The following TAF4 variants were observed in gnomAD, a reference collection of about 807,000 sequenced individuals.
The protein encoded by TAF4 is TATA-box binding protein associated factor 4.
TAF4 carries 9 observed loss-of-function variants against 90.3 expected under a neutral mutation model. The ratio of observed to expected loss-of-function variants is 0.10; its 90% CI spans 0.06 to 0.17. The LOEUF is 0.17. TAF4 is among the 10% of genes least tolerant of loss of function. TAF4 has a pLI of 1.00. For missense variants in TAF4, 1,351 were observed against 1,370.7 expected, an observed-to-expected ratio of 0.99 and a Z score of 0.23; for synonymous variants, 818 against 638.9, an observed-to-expected ratio of 1.28 and a Z score of -4.23.
At chr20:61,995,584 C>CCAAAATGTTCCAAATTTGATGAAAGA (rs1369471017) in intron 14 of TAF4, among the ~76,000 whole-genome samples, 10 of 17,636 alleles carry the variant, frequency 5.7e-4, no homozygotes, top group African/African-American at 2.6e-3. Flanking sequence ...AAAATTTGAG[C>CCAAAATGTTCCAAATTTGATGAAAGA]CGGGCGCGGT....
rs1307459907 is a variant in TAF4 at position 62,065,292 on chromosome 20, G to A, written c.519C>T (p.Gly173=). Residue 173 remains glycine, a synonymous_variant, in exon 1 of 15, where the codon GGC becomes GGT. Coordinates refer to ENST00000252996, the MANE Select transcript of TAF4 (RefSeq NM_003185.4). ...PAALAARAGP[G]PGPGPGPGPG... ...GGCCGGGGCCGGGGCCGGGCCCGGG[G>A]CCGGGGCCGGCGCGGGCGGCCAGCG... is the stretch of plus-strand genomic sequence containing the variant. The A allele has an allele frequency of 4.3e-6, 4 of 928,704 alleles. No homozygotes were observed. The highest frequency in any genetic ancestry group is 5.1e-6 in the Non-Finnish European group (4 of 785,294). The allele number at this position is 928,704 out of a possible 1,614,324, so 57.5% of individuals were successfully genotyped here.
rs113526314 is a variant in TAF4, at chr20:62,007,493, G to A, written c.1974+54C>T. On this transcript the variant is annotated intron_variant, in intron 6 of 14. Transcript: ENST00000252996. Reference sequence around the variant, plus strand: ...CGCCCTGCACACTTGGTGCATCTGCGCCCCACCCCTCCCTGGCCCTACTGC... The same window carrying A: ...CGCCCTGCACACTTGGTGCATCTGCACCCCACCCCTCCCTGGCCCTACTGC... 55 of 1,555,128 alleles carry A rather than the reference G, an allele frequency of 3.5e-5. 1 individual carries two copies. Among genetic ancestry groups the A allele is most frequent in the Middle Eastern group, 1.7e-4 (1 of 5,930 alleles).
At chr20:62,055,784 TCA>T (rs1386620463) in intron 1 of TAF4, among the ~76,000 whole-genome samples, 3 of 152,156 alleles carry the variant, frequency 2.0e-5, no homozygotes, top group Non-Finnish European at 4.4e-5. Flanking sequence ...AGGGTGCTAA[TCA>T]CAATCAGACA....
chr20:62,001,477 T>C (rs2055702618), intron 9 of TAF4, among the ~76,000 whole-genome samples: 1 of 152,200 alleles, frequency 6.6e-6, no homozygotes, highest in African/African-American at 2.4e-5. Flanking sequence ...AGATGTGAGC[T>C]AAGAGTCCTG....
Position 62,006,919 on chromosome 20 carries a change from C to A in TAF4, c.1975-161G>T. Reference sequence around the variant, plus strand: ...TGTCTGGATGTCAAGGGCCAGGACCCCATCCTGCCCTCCCACTAAGTGGGA... The same window carrying A: ...TGTCTGGATGTCAAGGGCCAGGACCACATCCTGCCCTCCCACTAAGTGGGA... On this transcript the variant is annotated intron_variant, in intron 6 of 14. Transcript: ENST00000252996. This position sits in a 1 kb window ranked among gnomAD's most constrained non-coding sequence, Gnocchi z 7.0. 8 of 927,950 alleles carry A rather than the reference C, an allele frequency of 8.6e-6. No individual in the cohort carries two copies. Among genetic ancestry groups the A allele is most frequent in the Non-Finnish European group, 1.2e-5 (8 of 694,972 alleles). 57.5% of individuals were successfully genotyped at this position (927,950 alleles called of 1,614,324 possible).
At chr20:61,996,949 G>A (rs865961439) in intron 14 of TAF4, among the ~76,000 whole-genome samples, 2 of 152,072 alleles carry the variant, frequency 1.3e-5, no homozygotes, top group African/African-American at 4.8e-5. Context: ...ACAGACCCAC[G>A]GGAAGGAATG....
intron 5 of TAF4, chr20:62,007,873 G>C (rs2055756268): frequency 4.6e-6 from 2 of 432,268 alleles, no homozygotes; most frequent in African/African-American, 4.2e-5. Context: ...AGGGTCACCT[G>C]TCTACTTCTC....
chr20:61,982,896 C>A, intron 14 of TAF4, among the ~76,000 whole-genome samples: 1 of 151,598 alleles, frequency 6.6e-6, no homozygotes, highest in South Asian at 2.1e-4. Context: ...CCCCTCCCCA[C>A]CCGTCCCCCA....
intron 5 of TAF4, among the ~76,000 whole-genome samples, chr20:62,008,473 C>T (rs6089308): frequency 0.48 from 71,574 of 149,454 alleles, 17,750 homozygotes; most frequent in Middle Eastern, 0.6. Flanking sequence ...AGAGGGGAGG[C>T]TGCCAGGAAT....
intron 1 of TAF4, among the ~76,000 whole-genome samples, chr20:62,024,099 G>A (rs950774840): frequency 5.3e-5 from 8 of 152,068 alleles, no homozygotes; most frequent in South Asian, 2.1e-4. Context: ...CAGTAACCAG[G>A]ACAGCACAGT....
At chr20:62,056,549 T>C (rs2056065310) in intron 1 of TAF4, among the ~76,000 whole-genome samples, 1 of 152,130 alleles carries the variant, frequency 6.6e-6, no homozygotes, top group Non-Finnish European at 1.5e-5. Flanking sequence ...CACAGCACCC[T>C]GGCACAGGGG....
chr20:61,991,609 A>T (rs1568924292), intron 14 of TAF4, among the ~76,000 whole-genome samples: 1 of 152,076 alleles, frequency 6.6e-6, no homozygotes, highest in Non-Finnish European at 1.5e-5. Flanking sequence ...AAACCAAAAA[A>T]CAAAAAAAAA....
chr20:62,009,233 C>T (rs1333387875), intron 4 of TAF4, 59 bp from the exon 5 acceptor site: 6 of 1,503,984 alleles, frequency 4.0e-6, no homozygotes, highest in Non-Finnish European at 5.4e-6. Context: ...TTTGTCACAG[C>T]CTTTGGTTAC....
chr20:62,056,756 G>C (rs1012909934), intron 1 of TAF4, among the ~76,000 whole-genome samples: 1 of 152,052 alleles, frequency 6.6e-6, no homozygotes, highest in Admixed American at 6.5e-5. Flanking sequence ...CGTTACAAGT[G>C]ACTGTATTTT....
chr20:62,021,435 C>A (rs1436406909), intron 1 of TAF4, among the ~76,000 whole-genome samples: 5 of 152,270 alleles, frequency 3.3e-5, no homozygotes, highest in Admixed American at 3.3e-4. Context: ...GAACCCACAG[C>A]CCTTCTAGCT....
intron 14 of TAF4, chr20:61,979,117 A>T (rs1371270736): frequency 6.5e-6 from 1 of 153,132 alleles, no homozygotes; most frequent in Non-Finnish European, 1.5e-5. Flanking sequence ...GATGGAGTGG[A>T]GATCTCGTAG....
chr20:62,036,218 T>G (rs999340435), intron 1 of TAF4, among the ~76,000 whole-genome samples: 19 of 152,248 alleles, frequency 1.2e-4, no homozygotes, highest in African/African-American at 3.1e-4. Flanking sequence ...AGAGATGGAG[T>G]TTCACCATGT....
At chr20:62,000,373 C>T (rs1263888700) in intron 10 of TAF4, 119 bp from the exon 11 acceptor site, 3 of 1,462,060 alleles carry the variant, frequency 2.1e-6, no homozygotes, top group East Asian at 4.5e-5. Flanking sequence ...CCCAGAAAGG[C>T]TGGTGGGGTG....
chr20:62,003,266 C>A lies in TAF4; in HGVS notation c.2380G>T (p.Val794Leu). Residue 794 changes from valine (V) to leucine (L), a missense_variant, in exon 9 of 15, where the codon GTG becomes TTG. Transcript: ENST00000252996. ...GTTCCAGGTAACACGGCGGGTTTCA[C>A]CACAGGGACTACAAAACAAACACAC... The part of the protein sequence containing the change: ...QLNPLQPVPV[V>L]KPAVLPGTKA... 6.2e-7 allele frequency: 1 copy of A among 1,613,786 alleles called. No individual in the cohort carries two copies. Among genetic ancestry groups the A allele is most frequent in the East Asian group, 2.2e-5 (1 of 44,888 alleles).
Sources: gnomAD v4.1 joint callset for allele counts (sites outside exome capture counted in the v4.1 genomes callset) on GRCh38, gnomAD v4.1.1 for gene constraint, Gnocchi (gnomAD v3.1) non-coding constraint, MANE v1.5 for transcripts, NCBI Gene and HGNC (gene_info 2026-07-23, HGNC 2026-07-21) for gene names.